The following TLN2 variants were observed in gnomAD, a reference collection of about 807,000 sequenced individuals.
The protein encoded by TLN2 is talin 2, also known as talin-2.
In TLN2, 118 loss-of-function variants were observed where a neutral mutation model predicts 294.7. The observed-to-expected ratio is 0.40, with a 90% confidence interval of 0.34 to 0.47. The LOEUF is 0.47. Ranked by LOEUF, TLN2 falls within the 20% of genes least tolerant of loss-of-function variation. TLN2 has a pLI of 0.84. For missense variants in TLN2, 3,083 were observed against 3,282.2 expected (o/e 0.94, Z 1.48); for synonymous variants, 1,431 against 1,304.5 (o/e 1.10, Z -2.09).
intron 1 of TLN2, among the ~76,000 whole-genome samples, chr15:62,479,973 A>G (rs17271758): frequency 0.15 from 23,469 of 152,270 alleles, 1,849 homozygotes; most frequent in Non-Finnish European, 0.18. Context: ...ACCACTGGTG[A>G]ATACTTGAGC....
chr15:62,583,321 T>G (rs2045299411), intron 1 of TLN2, among the ~76,000 whole-genome samples: 4 of 152,212 alleles, frequency 2.6e-5, no homozygotes, highest in Admixed American at 2.6e-4. Flanking sequence ...AAGGAGACCC[T>G]CTGTGTTGGT....
chr15:62,390,798 T>C (rs566790842), intron 1 of TLN2, 113 bp downstream of exon 1: 26 of 152,208 alleles, frequency 1.7e-4, no homozygotes, highest in South Asian at 4.1e-4. Flanking sequence ...GGGTTTTTTT[T>C]CCTCCCTTTT....
chr15:62,653,531 C>G (rs1261996991), intron 7 of TLN2, among the ~76,000 whole-genome samples: 1 of 152,096 alleles, frequency 6.6e-6, no homozygotes, highest in African/African-American at 2.4e-5. Context: ...TGAGACCAGC[C>G]TGGCCAATAT....
rs542826015 is a variant in TLN2, at chr15:62,678,097, G to A, written c.957+2776G>A. Among the ~76,000 whole-genome samples the A allele has an allele frequency of 7.9e-5, 12 of 152,084 alleles. No homozygotes were observed. In the South Asian group the frequency reaches 2.5e-3, roughly 32 times the overall value. On this transcript the variant is annotated intron_variant, in intron 11 of 58. Transcript: ENST00000636159. ...GGCGTGAGCCACCACCCCTGGCCAAGCACTTGCAACTTCTATATACATATT... is the reference window on the plus strand; with the variant it reads ...GGCGTGAGCCACCACCCCTGGCCAAACACTTGCAACTTCTATATACATATT...
chr15:62,749,219 A>AT (rs1287260200), intron 33 of TLN2, among the ~76,000 whole-genome samples: 1 of 152,222 alleles, frequency 6.6e-6, no homozygotes, highest in African/African-American at 2.4e-5. Context: ...CTTCTGAAGC[A>AT]TTTGATTGAG....
At chr15:62,791,541 C>G (rs973284246) in intron 45 of TLN2, among the ~76,000 whole-genome samples, 3 of 152,188 alleles carry the variant, frequency 2.0e-5, no homozygotes, top group African/African-American at 7.2e-5. Flanking sequence ...ACCCCTCATT[C>G]TCCAAAGTCA....
At chr15:62,457,641 GT>G (rs1218153561) in intron 1 of TLN2, among the ~76,000 whole-genome samples, 6 of 152,172 alleles carry the variant, frequency 3.9e-5, no homozygotes, top group Non-Finnish European at 7.3e-5. Flanking sequence ...GAGCTGGCTG[GT>G]TTGTGTCGGG....
chr15:62,395,493 T>C (rs1053481312), intron 1 of TLN2, among the ~76,000 whole-genome samples: 2 of 152,184 alleles, frequency 1.3e-5, no homozygotes, highest in Non-Finnish European at 2.9e-5. Context: ...ACCATTGATA[T>C]AAGTGTGAAT....
At position 62,739,332 on chromosome 15, in the gene TLN2, C is replaced by T. The variant is rs879238386; in HGVS notation, c.3688-16C>T. ...AAGCAGAATGTCTCATGGGGTGTGC[C>T]GTCTGTTCCCCACAGCTACCTCCAA... On this transcript the variant is annotated splice_polypyrimidine_tract_variant and intron_variant, in intron 30 of 58. Transcript: ENST00000636159. 8 of 1,608,496 alleles carry T rather than the reference C, an allele frequency of 5.0e-6. No individual in the cohort carries two copies. Among genetic ancestry groups the T allele is most frequent in the African/African-American group, 1.3e-5 (1 of 74,888 alleles).
rs56118016 is a variant in TLN2, at chr15:62,759,430, C to CCAAA, written c.4639-2229_4639-2226dup. On this transcript the variant is annotated intron_variant, in intron 37 of 58. Coordinates refer to ENST00000636159, the MANE Select transcript of TLN2 (RefSeq NM_015059.3). ...AGGGCCTGTGCTCAAAACAAAAGCC[C>CCAAA]CAAACAAACAAACAAACAAACAAAC... 1.3e-3 allele frequency among the ~76,000 whole-genome samples: 197 copies of CCAAA among 151,948 alleles called. 1 individual carries two copies. The East Asian group carries it at 0.027, about 21-fold the overall frequency.
chr15:62,637,498 A>G (rs2050506992), intron 3 of TLN2: 1 of 152,202 alleles, frequency 6.6e-6, no homozygotes, highest in South Asian at 2.1e-4. Context: ...TCGACAAAAA[A>G]CGACAGTATC....
At chr15:62,498,510 G>A (rs1052533971) in intron 1 of TLN2, among the ~76,000 whole-genome samples, 1 of 152,122 alleles carries the variant, frequency 6.6e-6, no homozygotes, top group Non-Finnish European at 1.5e-5. Context: ...AAAAGTATCT[G>A]GATTTCCTAG....
At chr15:62,750,531 T>C in intron 34 of TLN2, 40 bp downstream of exon 34, 1 of 1,560,982 alleles carries the variant, frequency 6.4e-7, no homozygotes, top group African/African-American at 1.4e-5. Context: ...TTAGCATTGC[T>C]TGTCAATGTG....
intron 9 of TLN2, among the ~76,000 whole-genome samples, chr15:62,661,933 A>G (rs2053888891): frequency 1.3e-5 from 2 of 152,206 alleles, no homozygotes; most frequent in African/African-American, 4.8e-5. Flanking sequence ...GAACCTGTAT[A>G]TGTGCCTAAC....
chr15:62,467,672 G>C (rs1437611385), intron 1 of TLN2, among the ~76,000 whole-genome samples: 1 of 115,282 alleles, frequency 8.7e-6, no homozygotes. Flanking sequence ...GTGACAGAGT[G>C]AGACTCTGTC....
At position 62,820,488 on chromosome 15, in the gene TLN2, A is replaced by T; in HGVS notation, c.6880A>T (p.Thr2294Ser). 1 of 1,613,592 alleles carries T rather than the reference A, an allele frequency of 6.2e-7. No individual in the cohort carries two copies. Among genetic ancestry groups the T allele is most frequent in the Non-Finnish European group, 8.5e-7 (1 of 1,179,736 alleles). The change falls in exon 54 of 59, where the codon ACA becomes TCA. Residue 2294 changes from threonine to serine, a missense_variant and splice_region_variant. Physicochemically the swap from Thr to Ser is moderately conservative, Grantham distance 58. Transcript: ENST00000636159. ...LIQAAEAMKG[T>S]EWVDPEDPTV... ...ACCTTCTTTTGGACTGATTCTAGGAACAGAGTGGGTGGATCCAGAAGACCC... is the reference window on the plus strand; with the variant it reads ...ACCTTCTTTTGGACTGATTCTAGGATCAGAGTGGGTGGATCCAGAAGACCC...
chr15:62,570,662 T>G (rs191934978), intron 1 of TLN2, among the ~76,000 whole-genome samples: 198 of 152,294 alleles, frequency 1.3e-3, no homozygotes, highest in Admixed American at 2.0e-3. Context: ...GCCGGATCAT[T>G]TTTGTCATAT....
intron 41 of TLN2, among the ~76,000 whole-genome samples, chr15:62,770,025 G>A (rs949307144): frequency 2.6e-5 from 4 of 152,152 alleles, no homozygotes; most frequent in Non-Finnish European, 4.4e-5. Context: ...CTAAAAGTGC[G>A]GTGCTCCCAC....
chr15:62,506,263 T>C (rs1375055818), intron 1 of TLN2, among the ~76,000 whole-genome samples: 1 of 150,734 alleles, frequency 6.6e-6, no homozygotes, highest in Non-Finnish European at 1.5e-5. Context: ...GCACATTATC[T>C]AGTGGCTGCT....
Sources: allele counts gnomAD v4.1 joint callset (sites outside exome capture counted in the v4.1 genomes callset), GRCh38; gene constraint gnomAD v4.1.1; transcripts MANE v1.5; gene names NCBI Gene and HGNC (gene_info 2026-07-23, HGNC 2026-07-21).